Variants in SMOC2 observed in about 807,000 individuals in gnomAD.
The protein encoded by SMOC2 is SPARC-related modular calcium-binding protein 2.
A neutral mutation model predicts 61.4 loss-of-function variants in SMOC2; 39 were observed. The ratio of observed to expected loss-of-function variants is 0.64; its 90% confidence interval spans 0.49 to 0.83. The LOEUF is 0.83. Ranked by LOEUF, SMOC2 falls within the 40% of genes least tolerant of loss-of-function variation. The pLI is 0.00. For synonymous variants in SMOC2, 247 were observed against 239.9 expected (o/e 1.03, Z -0.27); for missense variants, 556 against 592.9 (o/e 0.94, Z 0.65).
intron 2 of SMOC2, among the ~76,000 whole-genome samples, chr6:168,510,594 G>A (rs935021988): frequency 6.6e-6 from 1 of 152,168 alleles, no homozygotes; most frequent in African/African-American, 2.4e-5. Flanking sequence ...ATGTTTCAGA[G>A]TTATTTTCAG....
At chr6:168,519,087 G>C (rs1017254086) in intron 2 of SMOC2, among the ~76,000 whole-genome samples, 1 of 151,302 alleles carries the variant, frequency 6.6e-6, no homozygotes, top group Non-Finnish European at 1.5e-5. Flanking sequence ...ATGCGTGCAT[G>C]TGTGAACATG....
At chr6:168,644,195 G>T (rs542261736) in intron 9 of SMOC2, among the ~76,000 whole-genome samples, 1 of 152,346 alleles carries the variant, frequency 6.6e-6, no homozygotes, top group South Asian at 2.1e-4. Context: ...AAGCTGCCAA[G>T]TGTGAGAGCA....
intron 1 of SMOC2, among the ~76,000 whole-genome samples, chr6:168,507,380 C>T (rs1782897565): frequency 6.6e-6 from 1 of 152,240 alleles, no homozygotes; most frequent in Non-Finnish European, 1.5e-5. Flanking sequence ...TTCATGTTTT[C>T]TTTCTGTTTT....
At chr6:168,657,800 G>A (rs1787364533) in intron 11 of SMOC2, among the ~76,000 whole-genome samples, 3 of 152,226 alleles carry the variant, frequency 2.0e-5, no homozygotes, top group East Asian at 1.9e-4. Context: ...AGCAAGGGGG[G>A]CCAAACACAT....
At chr6:168,662,301 TG>T (rs1310090253) in intron 11 of SMOC2, among the ~76,000 whole-genome samples, 1 of 152,090 alleles carries the variant, frequency 6.6e-6, no homozygotes, top group Non-Finnish European at 1.5e-5. Flanking sequence ...GGGTTGCTTG[TG>T]GAGGAGGCAG....
At chr6:168,643,600 G>A (rs1786946872) in intron 9 of SMOC2, among the ~76,000 whole-genome samples, 2 of 152,230 alleles carry the variant, frequency 1.3e-5, no homozygotes, top group African/African-American at 4.8e-5. Flanking sequence ...GACAGGCGTG[G>A]TGGTGGGCAG....
chr6:168,501,440 A>C (rs914416600), intron 1 of SMOC2, among the ~76,000 whole-genome samples: 2 of 151,848 alleles, frequency 1.3e-5, no homozygotes, highest in East Asian at 1.9e-4. Flanking sequence ...TGCATTGTCC[A>C]TCCCTCGCTA....
At chr6:168,578,809 G>A (rs916821127) in intron 7 of SMOC2, among the ~76,000 whole-genome samples, 1 of 152,202 alleles carries the variant, frequency 6.6e-6, no homozygotes, top group Non-Finnish European at 1.5e-5. Context: ...GGAGTTTGGG[G>A]CATGACAGTC....
intron 2 of SMOC2, among the ~76,000 whole-genome samples, chr6:168,515,391 T>G (rs2115058221): frequency 6.6e-6 from 1 of 152,312 alleles, no homozygotes; most frequent in Non-Finnish European, 1.5e-5. Flanking sequence ...AATAACTGGG[T>G]GTCACGCCCT....
At chr6:168,650,112 T>C (rs1303112479) in intron 9 of SMOC2, among the ~76,000 whole-genome samples, 1 of 152,194 alleles carries the variant, frequency 6.6e-6, no homozygotes, top group Non-Finnish European at 1.5e-5. Context: ...CAGTCCGCGC[T>C]GGGCTCCAAA....
chr6:168,449,546 C>G (rs766339509), intron 1 of SMOC2, among the ~76,000 whole-genome samples: 2 of 152,164 alleles, frequency 1.3e-5, no homozygotes, highest in African/African-American at 2.4e-5. Context: ...ATTCATGCCA[C>G]ATGGGATGTG....
At chr6:168,492,778 C>G (rs1172620661) in intron 1 of SMOC2, among the ~76,000 whole-genome samples, 7 of 152,220 alleles carry the variant, frequency 4.6e-5, no homozygotes, top group African/African-American at 1.7e-4. Flanking sequence ...CTCCCACCAC[C>G]ACAAAATAAT....
chr6:168,542,697 A>C (rs1438131124), intron 4 of SMOC2, among the ~76,000 whole-genome samples: 1 of 152,118 alleles, frequency 6.6e-6, no homozygotes, highest in African/African-American at 2.4e-5. Context: ...GGCGCCTTGA[A>C]GTTACTCCGT....
At chr6:168,565,533 T>A (rs1033701059) in intron 7 of SMOC2, among the ~76,000 whole-genome samples, 1 of 152,252 alleles carries the variant, frequency 6.6e-6, no homozygotes, top group African/African-American at 2.4e-5. Flanking sequence ...TTATCCTTAA[T>A]AAACTTCTTA....
chr6:168,664,483 G>A, intron 12 of SMOC2: 1 of 405,640 alleles, frequency 2.5e-6, no homozygotes, highest in South Asian at 1.8e-5. Flanking sequence ...AATCCACCTG[G>A]GATTACAGGC....
chr6:168,519,461 A>G (rs1182104965), intron 2 of SMOC2, among the ~76,000 whole-genome samples: 2 of 152,144 alleles, frequency 1.3e-5, no homozygotes, highest in East Asian at 1.9e-4. Context: ...TAACTCGCTT[A>G]TGGTATTTTA....
At chr6:168,588,863 G>A (rs1251806009) in intron 7 of SMOC2, among the ~76,000 whole-genome samples, 1 of 152,078 alleles carries the variant, frequency 6.6e-6, no homozygotes, top group African/African-American at 2.4e-5. Context: ...GAGGTCAGGG[G>A]CGGATCACTT....
chr6:168,549,545 C>T (rs1323083065), intron 7 of SMOC2, among the ~76,000 whole-genome samples: 1 of 152,056 alleles, frequency 6.6e-6, no homozygotes, highest in Non-Finnish European at 1.5e-5. Context: ...GGAAGTGGAT[C>T]ATCATAAAGG....
At chr6:168,537,245 C>T (rs759975561) in intron 4 of SMOC2, among the ~76,000 whole-genome samples, 1 of 152,234 alleles carries the variant, frequency 6.6e-6, no homozygotes, top group Non-Finnish European at 1.5e-5. Flanking sequence ...CAGTGTCTGT[C>T]CTAATACAGC....
Sources: gnomAD v4.1 joint callset for allele counts (sites outside exome capture counted in the v4.1 genomes callset) on GRCh38, gnomAD v4.1.1 for gene constraint, MANE v1.5 for transcripts, NCBI Gene and HGNC (gene_info 2026-07-23, HGNC 2026-07-21) for gene names.